Variants in SMC6 observed in about 807,000 individuals in gnomAD.
SMC6 encodes the protein structural maintenance of chromosomes 6, also known as structural maintenance of chromosomes protein 6.
Under a neutral mutation model 142.2 loss-of-function variants are expected in SMC6, and 79 were observed. The observed-to-expected ratio is 0.56, with a 90% confidence interval of 0.46 to 0.67. The LOEUF (loss-of-function observed/expected upper bound fraction) is 0.67. Ranked by LOEUF, SMC6 falls within the 30% of genes least tolerant of loss-of-function variation. The pLI is 0.00. For synonymous variants in SMC6, 411 were observed against 412.4 expected (o/e 1.00, Z 0.04); for missense variants, 1,072 against 1,284.0 (o/e 0.83, Z 2.52).
chr2:17,667,718 T>C (rs771724119), intron 26 of SMC6, among the ~76,000 whole-genome samples: 10 of 152,054 alleles, frequency 6.6e-5, no homozygotes, highest in Admixed American at 1.3e-4. Flanking sequence ...GGCATGGTGG[T>C]GCACACCTGT....
chr2:17,683,875 G>A (rs1460055658), intron 23 of SMC6, 112 bp from the exon 24 acceptor site: 4 of 933,944 alleles, frequency 4.3e-6, no homozygotes, highest in Admixed American at 2.2e-5. Context: ...AGAGTACTAA[G>A]GGGGCCTAGT....
chr2:17,727,894 T>C (rs987806558), intron 7 of SMC6, among the ~76,000 whole-genome samples: 4 of 152,208 alleles, frequency 2.6e-5, no homozygotes, highest in South Asian at 4.1e-4. Context: ...AAACTTTACA[T>C]GTGACATGTT....
At chr2:17,684,918 A>G (rs911410265) in intron 23 of SMC6, among the ~76,000 whole-genome samples, 4 of 152,168 alleles carry the variant, frequency 2.6e-5, no homozygotes, top group African/African-American at 9.7e-5. Context: ...GAACTGAAAG[A>G]ATAGATACAC....
intron 5 of SMC6, among the ~76,000 whole-genome samples, chr2:17,735,119 C>CA (rs559011509): frequency 1.7e-4 from 25 of 143,070 alleles, no homozygotes; most frequent in East Asian, 6.3e-4. Context: ...GCTAAACAAA[C>CA]AAAAAAAAAA....
intron 18 of SMC6, among the ~76,000 whole-genome samples, chr2:17,705,930 G>A (rs148038698): frequency 9.9e-4 from 151 of 152,144 alleles, no homozygotes; most frequent in African/African-American, 3.4e-3. Context: ...TAGTATACTC[G>A]TCACTCTCTT....
At chr2:17,733,082 T>A (rs866700173) in intron 5 of SMC6, among the ~76,000 whole-genome samples, 5 of 152,258 alleles carry the variant, frequency 3.3e-5, no homozygotes, top group Non-Finnish European at 1.5e-5. Context: ...AGTCCCTTAA[T>A]ATAAAAGTGT....
chr2:17,668,648 C>T (rs570992533), intron 26 of SMC6, among the ~76,000 whole-genome samples: 6 of 152,040 alleles, frequency 3.9e-5, no homozygotes, highest in African/African-American at 1.4e-4. Flanking sequence ...CTGAGAAGTT[C>T]CTCATCCTGC....
chr2:17,677,096 G>A (rs1667023788), intron 25 of SMC6, among the ~76,000 whole-genome samples: 3 of 152,124 alleles, frequency 2.0e-5, no homozygotes, highest in Non-Finnish European at 2.9e-5. Flanking sequence ...AATATAAATG[G>A]TGAGCGTGGA....
intron 23 of SMC6, 77 bp from the exon 24 acceptor site, chr2:17,683,840 A>T: frequency 7.4e-7 from 1 of 1,344,028 alleles, no homozygotes; most frequent in Non-Finnish European, 1.1e-6. Flanking sequence ...AAACAGATTT[A>T]ACTGGGAAGA....
chr2:17,745,918 G>C lies in SMC6; in HGVS notation c.29C>G (p.Ser10Cys). MAKRKEENF[S>C]SPKNAKRPRQ... is the part of the protein sequence containing the mutation. ...TGGCCTTTTGGCATTTTTAGGAGAG[G>C]AAAAATTTTCTTCCTTTCTTTTGGC... Residue 10 changes from serine to cysteine, a missense_variant, in exon 3 of 28, where the codon TCC (serine) becomes TGC (cysteine). Physicochemically the swap from Ser to Cys is moderately radical, Grantham distance 112 (BLOSUM62 -1). Transcript: ENST00000448223. The C allele has an allele frequency of 6.2e-7, 1 of 1,609,534 alleles. No homozygotes were observed. The highest frequency in any genetic ancestry group is 8.5e-7 in the Non-Finnish European group (1 of 1,178,138).
chr2:17,713,345 A>C (rs890859624), intron 16 of SMC6: 1 of 366,624 alleles, frequency 2.7e-6, no homozygotes, highest in African/African-American at 2.2e-5. Flanking sequence ...GGTACCTCCT[A>C]GCAACTCCTG....
At position 17,671,019 on chromosome 2, in the gene SMC6, G is replaced by A. The variant is rs533986404; in HGVS notation, c.2911-444C>T. Among the ~76,000 whole-genome samples the A allele has an allele frequency of 6.7e-5, 10 of 150,376 alleles. No individual in the cohort carries two copies. In the East Asian group the frequency reaches 7.9e-4, roughly 12 times the overall value. ...TGGGACCACAGGAGTATGCCACCAC[G>A]GCCAGCTAATTTTTGTGTTTTTTTT... On this transcript the variant is annotated intron_variant, in intron 25 of 27. Transcript: ENST00000448223.
At chr2:17,752,560 T>C (rs1165729654) in intron 2 of SMC6, among the ~76,000 whole-genome samples, 2 of 152,210 alleles carry the variant, frequency 1.3e-5, no homozygotes, top group Non-Finnish European at 2.9e-5. Flanking sequence ...TACACGCTTT[T>C]AGGCAATATA....
intron 23 of SMC6, among the ~76,000 whole-genome samples, chr2:17,688,502 T>G (rs1572267641): frequency 6.6e-6 from 1 of 151,392 alleles, no homozygotes; most frequent in Non-Finnish European, 1.5e-5. Context: ...GAGGGAGAGG[T>G]TGCAGTGAGC....
At chr2:17,691,876 A>G (rs1053414439) in intron 23 of SMC6, among the ~76,000 whole-genome samples, 1 of 152,228 alleles carries the variant, frequency 6.6e-6, no homozygotes, top group African/African-American at 2.4e-5. Context: ...CTCAGGATAC[A>G]AAATCAATAT....
At chr2:17,680,656 C>T (rs1257465924) in intron 24 of SMC6, 2 of 152,180 alleles carry the variant, frequency 1.3e-5, no homozygotes, top group Admixed American at 6.6e-5. Flanking sequence ...ACCAGGTGTA[C>T]TGTCAATGAG....
chr2:17,690,845 C>T (rs1038172494), intron 23 of SMC6, among the ~76,000 whole-genome samples: 3 of 151,686 alleles, frequency 2.0e-5, no homozygotes, highest in African/African-American at 7.3e-5. Flanking sequence ...CTAAGAAGGC[C>T]ACACGCTGTT....
rs77786257 is a variant in SMC6, at chr2:17,746,209, A to G, written c.-5-258T>C. On this transcript the variant is annotated intron_variant, in intron 2 of 27. Transcript: ENST00000448223. ...ATAGCCCTACTGACATCTGGATTTT[A>G]GCCCAGTGAGATCTGTGTTGGACTT... 4.7e-3 allele frequency: 1,473 copies of G among 312,988 alleles called. 45 individuals carry two copies. The East Asian group carries it at 0.064, about 14-fold the overall frequency. The allele number at this position is 312,988 out of a possible 1,614,324, so 19.4% of individuals were successfully genotyped here.
At position 17,721,386 on chromosome 2, in the gene SMC6, C is replaced by T. The variant is rs1158415047; in HGVS notation, c.727-125G>A. ...TACATAAATATTCGTTTAAAAATAA[C>T]TTCTATTTTTTAAAATTATTCTTGA... On this transcript the variant is annotated intron_variant, in intron 9 of 27. Transcript: ENST00000448223. 8.1e-6 allele frequency: 8 copies of T among 983,796 alleles called. No individual in the cohort carries two copies. In the African/African-American group the frequency reaches 1.4e-4, roughly 17 times the overall value. The allele number at this position is 983,796 out of a possible 1,614,324, so 60.9% of individuals were successfully genotyped here.
Sources: gnomAD v4.1 joint callset for allele counts (sites outside exome capture counted in the v4.1 genomes callset) on GRCh38, gnomAD v4.1.1 for gene constraint, MANE v1.5 for transcripts, NCBI Gene and HGNC (gene_info 2026-07-23, HGNC 2026-07-21) for gene names.